The following ZFHX4 variants were observed in gnomAD, a reference collection of about 807,000 sequenced individuals.
ZFHX4 encodes zinc finger homeobox protein 4.
ZFHX4 carries 56 observed loss-of-function variants against 267.6 expected under a neutral mutation model. That is an observed-to-expected ratio of 0.21 (90% CI 0.17 to 0.26). The LOEUF (loss-of-function observed/expected upper bound fraction) is 0.26. ZFHX4 is among the 10% of genes least tolerant of loss of function. The pLI is 1.00. For missense variants in ZFHX4, 4,332 were observed against 4,420.0 expected (o/e 0.98, Z 0.56); for synonymous variants, 1,778 against 1,665.6 (o/e 1.07, Z -1.64).
At chr8:76,708,311 A>G in intron 3 of ZFHX4, 1 of 489,548 alleles carries the variant, frequency 2.0e-6, no homozygotes, top group Non-Finnish European at 3.6e-6. Context: ...AAATAAAAGA[A>G]TTTGGGGGAT....
intron 4 of ZFHX4, among the ~76,000 whole-genome samples, chr8:76,813,107 G>T (rs1405185649): frequency 6.6e-6 from 1 of 151,890 alleles, no homozygotes; most frequent in African/African-American, 2.4e-5. Context: ...CTAAAAATTT[G>T]TTTCTTTATA....
intron 4 of ZFHX4, among the ~76,000 whole-genome samples, chr8:76,829,675 A>T (rs1811882011): frequency 6.6e-6 from 1 of 152,024 alleles, no homozygotes; most frequent in Non-Finnish European, 1.5e-5. Flanking sequence ...TGGGCATGGT[A>T]GTGCGTGGCT....
chr8:76,816,060 A>C (rs1246081495), intron 4 of ZFHX4, among the ~76,000 whole-genome samples: 1 of 152,190 alleles, frequency 6.6e-6, no homozygotes, highest in Non-Finnish European at 1.5e-5. Context: ...AAGAATCCTT[A>C]AAACTCACCT....
At chr8:76,702,963 GACACACACAC>G (rs33934020) in intron 1 of ZFHX4, among the ~76,000 whole-genome samples, 2 of 147,588 alleles carry the variant, frequency 1.4e-5, no homozygotes, top group Non-Finnish European at 3.0e-5. Context: ...TCTCAGGCAA[GACACACACAC>G]ACACACACAC....
At chr8:76,847,007 G>A (rs1812381459) in intron 6 of ZFHX4, among the ~76,000 whole-genome samples, 1 of 152,048 alleles carries the variant, frequency 6.6e-6, no homozygotes, top group African/African-American at 2.4e-5. Flanking sequence ...ATTCTCCTAA[G>A]GAAACATATT....
intron 3 of ZFHX4, among the ~76,000 whole-genome samples, chr8:76,738,704 C>T (rs1809236021): frequency 7.5e-6 from 1 of 133,104 alleles, no homozygotes; most frequent in Admixed American, 8.0e-5. Context: ...CTCCCTTTCT[C>T]TCTCTCTTTC....
At chr8:76,751,184 C>T (rs1368676547) in intron 3 of ZFHX4, among the ~76,000 whole-genome samples, 6 of 152,168 alleles carry the variant, frequency 3.9e-5, no homozygotes, top group Non-Finnish European at 8.8e-5. Context: ...TCTCTGTTCA[C>T]TACCAGGTTA....
At chr8:76,722,768 C>A (rs1382745842) in intron 3 of ZFHX4, among the ~76,000 whole-genome samples, 2 of 151,972 alleles carry the variant, frequency 1.3e-5, no homozygotes, top group Non-Finnish European at 2.9e-5. Flanking sequence ...AAATATTACT[C>A]ATGTCTTGTC....
intron 4 of ZFHX4, among the ~76,000 whole-genome samples, chr8:76,822,107 C>T (rs1424806625): frequency 2.0e-5 from 3 of 152,060 alleles, no homozygotes; most frequent in Non-Finnish European, 2.9e-5. Flanking sequence ...CTAAACATAT[C>T]CAAACCTTCT....
chr8:76,699,446 A>T (rs1808044207), intron 1 of ZFHX4, among the ~76,000 whole-genome samples: 1 of 152,182 alleles, frequency 6.6e-6, no homozygotes, highest in Admixed American at 6.5e-5. Context: ...ATAAGCAAAT[A>T]GCAGAGTAAG....
intron 3 of ZFHX4, among the ~76,000 whole-genome samples, chr8:76,753,286 C>G (rs545392159): frequency 6.6e-6 from 1 of 152,278 alleles, no homozygotes; most frequent in East Asian, 1.9e-4. Flanking sequence ...ATAAATGACA[C>G]AAGATGTTGC....
chr8:76,805,590 C>CTTTT (rs34607717), intron 4 of ZFHX4, among the ~76,000 whole-genome samples: 1 of 138,528 alleles, frequency 7.2e-6, no homozygotes. Context: ...GACACTTAGG[C>CTTTT]TTTTTTTTTT....
At chr8:76,845,324 T>G (rs1046713249) in intron 6 of ZFHX4, among the ~76,000 whole-genome samples, 10 of 152,074 alleles carry the variant, frequency 6.6e-5, no homozygotes, top group Non-Finnish European at 1.3e-4. Context: ...CCCTGTGCAG[T>G]ACAAGAATTA....
intron 1 of ZFHX4, among the ~76,000 whole-genome samples, chr8:76,687,744 A>G (rs1424824324): frequency 6.6e-6 from 1 of 152,222 alleles, no homozygotes; most frequent in Non-Finnish European, 1.5e-5. Context: ...TGTTATTGGA[A>G]TATTAATCCT....
chr8:76,794,571 C>T lies in ZFHX4; in HGVS notation c.3325+16132C>T, dbSNP rs540680592. On this transcript the variant is annotated intron_variant, in intron 4 of 10. Transcript: ENST00000651372. ...CTAGAATCAGAACAATGCGCTGCCA[C>T]TTCTCTATATACTCTACATGATAAA... Among the ~76,000 whole-genome samples, 6 of 152,228 alleles carry T rather than the reference C, an allele frequency of 3.9e-5. No homozygotes were observed. In the South Asian group the frequency reaches 1.2e-3, roughly 32 times the overall value.
At position 76,854,891 on chromosome 8, in the gene ZFHX4, G is replaced by A; in HGVS notation, c.7970G>A (p.Arg2657Gln). 1 of 1,613,064 alleles carries A rather than the reference G, an allele frequency of 6.2e-7. No individual in the cohort carries two copies. Among genetic ancestry groups the A allele is most frequent in the Non-Finnish European group, 8.5e-7 (1 of 1,179,288 alleles). The part of the protein sequence containing the change: ...RVVQVWFQNT[R>Q]ARERKGQFRA... ...GTGCAAGTCTGGTTCCAGAATACAC[G>A]AGCGCGGGAGAGGAAAGGCCAGTTC... The change falls in exon 10 of 11, where the codon CGA (arginine) becomes CAA (glutamine). Residue 2657 changes from arginine to glutamine, a missense_variant. Physicochemically the swap from Arg to Gln is conservative, Grantham distance 43 (BLOSUM62 1). Around this residue, in one of 7 missense-constraint regions of ZFHX4, gnomAD observed 1,648 missense variants for 1,625.0 expected, o/e 1.01. Transcript: ENST00000651372.
chr8:76,756,624 T>A (rs1012370257), intron 3 of ZFHX4, among the ~76,000 whole-genome samples: 1 of 151,906 alleles, frequency 6.6e-6, no homozygotes, highest in African/African-American at 2.4e-5. Flanking sequence ...AATTGCCAAC[T>A]TTTCTCAATC....
chr8:76,831,546 A>T (rs1811933244), intron 4 of ZFHX4, among the ~76,000 whole-genome samples: 1 of 152,198 alleles, frequency 6.6e-6, no homozygotes, highest in Non-Finnish European at 1.5e-5. Flanking sequence ...GATGTAGGTT[A>T]GTATTTTGTA....
chr8:76,707,530 T>G lies in ZFHX4; in HGVS notation c.2591-16T>G, dbSNP rs770043888. The G allele has an allele frequency of 6.8e-7, 1 of 1,464,292 alleles. No homozygotes were observed. The highest frequency in any genetic ancestry group is 1.6e-5 in the African/African-American group (1 of 63,106). The allele number at this position is 1,464,292 out of a possible 1,614,324, so 90.7% of individuals were successfully genotyped here. A position where few individuals can be genotyped will look rare whatever the true frequency, so the allele number is the denominator to read the frequency against. Reference sequence around the variant, plus strand: ...TTCTAGTCTCTATTTTTCCTTTTAATTTTTTTTTCCTGTAGTAAATAATGA... The same window carrying G: ...TTCTAGTCTCTATTTTTCCTTTTAAGTTTTTTTTCCTGTAGTAAATAATGA... On this transcript the variant is annotated splice_polypyrimidine_tract_variant and intron_variant, in intron 2 of 10. Transcript: ENST00000651372.
Sources: allele counts gnomAD v4.1 joint callset (sites outside exome capture counted in the v4.1 genomes callset), GRCh38; gene constraint gnomAD v4.1.1; regional missense constraint gnomAD v4.1.1; transcripts MANE v1.5; gene names NCBI Gene and HGNC (gene_info 2026-07-23, HGNC 2026-07-21).